Variants in SCP2 observed in about 807,000 individuals in gnomAD.
The protein encoded by SCP2 is sterol carrier protein 2, also known as SCP-2/3-oxoacyl-CoA thiolase.
A neutral mutation model predicts 71.4 loss-of-function variants in SCP2; 48 were observed. The observed-to-expected ratio is 0.67, with a 90% CI of 0.53 to 0.86. The LOEUF (loss-of-function observed/expected upper bound fraction) is 0.86. Ranked by LOEUF, SCP2 falls within the 40% of genes least tolerant of loss-of-function variation. The probability of loss-of-function intolerance (pLI) is 0.00; values close to 1 mark genes in which losing one functional copy is unlikely to be tolerated. For synonymous variants in SCP2, 220 were observed against 218.1 expected, an observed-to-expected ratio of 1.01 and a Z score of -0.08; for missense variants, 560 against 655.6, an observed-to-expected ratio of 0.85 and a Z score of 1.59.
chr1:53,038,426 A>G (rs1663179792), intron 13 of SCP2, among the ~76,000 whole-genome samples: 1 of 151,912 alleles, frequency 6.6e-6, no homozygotes, highest in Non-Finnish European at 1.5e-5. Context: ...CTTTTTTGAG[A>G]CAAGGTCTTG....
chr1:53,044,063 T>G (rs1337004982), intron 14 of SCP2, among the ~76,000 whole-genome samples: 1 of 151,994 alleles, frequency 6.6e-6, no homozygotes, highest in Non-Finnish European at 1.5e-5. Context: ...TTATTCCATC[T>G]CTTTTTTTTT....
At chr1:52,960,199 T>C (rs1466060545) in intron 5 of SCP2, among the ~76,000 whole-genome samples, 17 of 152,116 alleles carry the variant, frequency 1.1e-4, no homozygotes, top group Non-Finnish European at 1.5e-5. Context: ...TATATTCTTT[T>C]TTCTAGTTTA....
At chr1:53,042,799 G>A (rs751472719) in intron 14 of SCP2, among the ~76,000 whole-genome samples, 3 of 152,170 alleles carry the variant, frequency 2.0e-5, no homozygotes, top group Non-Finnish European at 4.4e-5. Context: ...TTACTTAAAT[G>A]TATTTTGTAA....
intron 11 of SCP2, among the ~76,000 whole-genome samples, chr1:53,000,699 G>A (rs943937926): frequency 1.3e-5 from 2 of 152,162 alleles, no homozygotes; most frequent in African/African-American, 4.8e-5. Context: ...GCTTATGCCT[G>A]TAATCCCAGC....
At chr1:52,959,123 T>C (rs1055801536) in intron 5 of SCP2, among the ~76,000 whole-genome samples, 1 of 152,174 alleles carries the variant, frequency 6.6e-6, no homozygotes, top group African/African-American at 2.4e-5. Flanking sequence ...ATTGGTATTT[T>C]TTTCTCTTAA....
At chr1:52,968,505 A>C (rs1657174426) in intron 6 of SCP2, among the ~76,000 whole-genome samples, 2 of 152,200 alleles carry the variant, frequency 1.3e-5, no homozygotes, top group Admixed American at 6.5e-5. Flanking sequence ...TTGAGGTATA[A>C]TTCTTATATC....
intron 5 of SCP2, 31 bp downstream of exon 5, chr1:52,954,835 G>T: frequency 1.3e-6 from 2 of 1,554,266 alleles, no homozygotes; most frequent in South Asian, 2.2e-5. Context: ...GTTACTAAAT[G>T]AGCTAATATA....
intron 12 of SCP2, among the ~76,000 whole-genome samples, chr1:53,018,354 G>T (rs556039247): frequency 2.6e-5 from 4 of 152,134 alleles, no homozygotes; most frequent in Non-Finnish European, 5.9e-5. Context: ...GAGAAAGGTG[G>T]AGTTGTTATG....
At position 53,027,971 on chromosome 1, in the gene SCP2, C is replaced by A. The variant is rs1204624407; in HGVS notation, c.1238C>A (p.Ser413Tyr). ...TTGAAACAGTTTCTTTTCCCCAGTTCTTTTAGAACTCATCAAATTGAAGCT... is the reference window on the plus strand; with the variant it reads ...TTGAAACAGTTTCTTTTCCCCAGTTATTTTAGAACTCATCAAATTGAAGCT... ...YKMGFPEAAS[S>Y]FRTHQIEAVP... The change falls in exon 13 of 16, where the codon TCT becomes TAT. Residue 413 changes from serine to tyrosine, a missense_variant and splice_region_variant. Ser to Tyr is a moderately radical substitution (Grantham distance 144, BLOSUM62 -2). Transcript: ENST00000371514. 3 of 1,569,756 alleles carry A rather than the reference C, an allele frequency of 1.9e-6. No homozygotes were observed. Among genetic ancestry groups the A allele is most frequent in the African/African-American group, 1.3e-5 (1 of 74,164 alleles).
intron 10 of SCP2, among the ~76,000 whole-genome samples, chr1:52,981,968 C>T (rs1224817263): frequency 6.6e-6 from 1 of 151,908 alleles, no homozygotes; most frequent in Non-Finnish European, 1.5e-5. Flanking sequence ...CTGTGCCCCT[C>T]CTCTTGACTT....
chr1:52,954,843 A>G (rs1288730911), intron 5 of SCP2, 39 bp downstream of exon 5: 3 of 1,493,670 alleles, frequency 2.0e-6, no homozygotes, highest in South Asian at 1.1e-5. Context: ...ATGAGCTAAT[A>G]TAACCCAAAA....
intron 11 of SCP2, chr1:52,994,928 T>A: frequency 1.9e-6 from 1 of 522,356 alleles, no homozygotes; most frequent in South Asian, 1.5e-5. Context: ...CTGGTGGATC[T>A]AGAACCTGGG....
At position 52,980,526 on chromosome 1, in the gene SCP2, TG is replaced by T. The variant is rs1321687107; in HGVS notation, c.959del (p.Gly320AspfsTer25). Reference protein sequence around the residue: ...STNELLTYEALGLCPEGQGAT... With the variant: ...STNELLTYEAXGLCPEGQGAT... ...AACGAACTCCTTACTTATGAAGCAC[TG>T]GGACTCTGTCCAGAAGGTAACATCT... On this transcript the variant is annotated frameshift_variant, in exon 10 of 16. Coordinates refer to ENST00000371514, the MANE Select transcript of SCP2 (RefSeq NM_002979.5). LOFTEE classifies it high-confidence loss of function. The T allele has an allele frequency of 6.2e-7, 1 of 1,613,948 alleles. No individual in the cohort carries two copies. Among genetic ancestry groups the T allele is most frequent in the Non-Finnish European group, 8.5e-7 (1 of 1,179,804 alleles).
At chr1:53,039,818 A>G (rs72903196) in intron 14 of SCP2, among the ~76,000 whole-genome samples, 14,971 of 152,234 alleles carry the variant, frequency 0.098, 1,459 homozygotes, top group African/African-American at 0.22. Flanking sequence ...TGTCTTTAGT[A>G]TGGACCCAGC....
rs1365554891 is a variant in SCP2, at chr1:52,995,783, G to A, written c.1081+7647G>A. ...CCCACCTCATGGCTTCAAGATGGCG[G>A]TCACCTTAATCGGCAGCAGCACGGC... On this transcript the variant is annotated intron_variant, in intron 11 of 15. Coordinates refer to ENST00000371514, the MANE Select transcript of SCP2 (RefSeq NM_002979.5). 9 of 811,604 alleles carry A rather than the reference G, an allele frequency of 1.1e-5. No individual in the cohort carries two copies. The African/African-American group carries it at 1.3e-4, about 12-fold the overall frequency. The allele number at this position is 811,604 out of a possible 1,614,324, so 50.3% of individuals were successfully genotyped here. A position where few individuals can be genotyped will look rare whatever the true frequency, so the allele number is the denominator to read the frequency against.
chr1:52,937,344 A>G (rs1653836183), intron 1 of SCP2, among the ~76,000 whole-genome samples: 1 of 152,162 alleles, frequency 6.6e-6, no homozygotes, highest in African/African-American at 2.4e-5. Context: ...AGTTTGTGGT[A>G]CTTTTTGTCT....
chr1:52,953,985 A>T (rs962015825), intron 4 of SCP2, among the ~76,000 whole-genome samples: 4 of 151,368 alleles, frequency 2.6e-5, no homozygotes, highest in African/African-American at 9.7e-5. Flanking sequence ...CTGTCTCAAA[A>T]AAAAAAACAA....
chr1:52,943,323 C>T (rs927356265), intron 2 of SCP2, among the ~76,000 whole-genome samples: 2 of 150,998 alleles, frequency 1.3e-5, no homozygotes, highest in East Asian at 2.0e-4. Context: ...CCCGGGTTCA[C>T]GCTATTCTCC....
At chr1:52,989,439 A>G (rs1442028764) in intron 11 of SCP2, among the ~76,000 whole-genome samples, 2 of 152,210 alleles carry the variant, frequency 1.3e-5, no homozygotes, top group Admixed American at 1.3e-4. Flanking sequence ...TGGCATTTTC[A>G]CCTGCCTTAA....
Sources: allele counts gnomAD v4.1 joint callset (sites outside exome capture counted in the v4.1 genomes callset), GRCh38; gene constraint gnomAD v4.1.1; transcripts MANE v1.5; gene names NCBI Gene and HGNC (gene_info 2026-07-23, HGNC 2026-07-21).